AMN1: variants seen among roughly 807,000 people sequenced by gnomAD.
AMN1 encodes antagonist of mitotic exit network 1 homolog.
A neutral mutation model predicts 33.0 loss-of-function variants in AMN1; 20 were observed. The ratio of observed to expected loss-of-function variants is 0.61; its 90% CI spans 0.43 to 0.88. The LOEUF (loss-of-function observed/expected upper bound fraction) is 0.88, where lower values mean the gene tolerates loss of function less well. Among genes scored for constraint, AMN1 ranks in the 40% least tolerant of loss-of-function variants. The pLI is 0.00. For synonymous variants in AMN1, 114 were observed against 111.9 expected, an observed-to-expected ratio of 1.02 and a Z score of -0.12; for missense variants, 246 against 307.4, an observed-to-expected ratio of 0.80 and a Z score of 1.49.
chr12:31,714,768 G>A (rs58033413), intron 1 of AMN1: 2 of 244,594 alleles, frequency 8.2e-6, no homozygotes, highest in Non-Finnish European at 1.3e-5. Context: ...CAACTCTGGA[G>A]CAAGAAACTC....
At chr12:31,676,678 A>C (rs1937722294) in intron 6 of AMN1, among the ~76,000 whole-genome samples, 1 of 151,506 alleles carries the variant, frequency 6.6e-6, no homozygotes, top group Non-Finnish European at 1.5e-5. Context: ...GCATTTTTCC[A>C]AGTTGTGAAT....
rs146897742 is a variant in AMN1 at position 31,708,703 on chromosome 12, G to A, written c.171+590C>T. The A allele has an allele frequency of 6.7e-3, 1,114 of 166,944 alleles. 18 individuals are homozygous for A. The highest frequency in any genetic ancestry group is 0.025 in the African/African-American group (1,058 of 41,652). 10.3% of individuals were successfully genotyped at this position (166,944 alleles called of 1,614,324 possible). ...CCTACCGATATGTGATGTCACCCCC[G>A]GCGGCCCAGCTGTAAAATTCCTCTC... On this transcript the variant is annotated intron_variant, in intron 2 of 6. Coordinates refer to ENST00000281471, the MANE Select transcript of AMN1 (RefSeq NM_001113402.2).
intron 1 of AMN1, among the ~76,000 whole-genome samples, chr12:31,710,061 AT>A (rs1459867691): frequency 2.0e-5 from 3 of 152,332 alleles, no homozygotes; most frequent in East Asian, 3.9e-4. Context: ...GGACCCACTA[AT>A]TGAAAAGTTT....
At chr12:31,726,968 CATTTATTTATCT>C (rs61148744) in intron 1 of AMN1, among the ~76,000 whole-genome samples, 64,797 of 151,736 alleles carry the variant, frequency 0.43, 14,653 homozygotes, top group Middle Eastern at 0.52. Context: ...GCTTTTCTTT[CATTTATTTATCT>C]ATTTATTTAT....
chr12:31,723,384 C>T (rs60607203), intron 1 of AMN1, among the ~76,000 whole-genome samples: 9,552 of 152,134 alleles, frequency 0.063, 652 homozygotes, highest in East Asian at 0.18. Context: ...GATCTCGGCT[C>T]ACTGCAAGCT....
At chr12:31,693,472 C>A (rs1311014284) in intron 5 of AMN1, among the ~76,000 whole-genome samples, 2 of 151,984 alleles carry the variant, frequency 1.3e-5, no homozygotes, top group Non-Finnish European at 2.9e-5. Flanking sequence ...TGTGATCCAC[C>A]TGCCTCGGCC....
chr12:31,696,706 C>T (rs1462094853), intron 5 of AMN1, among the ~76,000 whole-genome samples: 1 of 152,048 alleles, frequency 6.6e-6, no homozygotes, highest in Non-Finnish European at 1.5e-5. Context: ...GCGGTCGGAT[C>T]ACCTGAGGTC....
chr12:31,722,599 G>A (rs1939917983), intron 1 of AMN1, among the ~76,000 whole-genome samples: 1 of 152,130 alleles, frequency 6.6e-6, no homozygotes. Flanking sequence ...GAAAAGGGGA[G>A]GGTTTGCTAG....
At chr12:31,684,331 T>C (rs1290960129) in intron 6 of AMN1, among the ~76,000 whole-genome samples, 1 of 152,162 alleles carries the variant, frequency 6.6e-6, no homozygotes, top group Non-Finnish European at 1.5e-5. Context: ...AAAGTGATGA[T>C]CTGAATGAAA....
chr12:31,698,133 T>C (rs933664213), intron 3 of AMN1, among the ~76,000 whole-genome samples, 176 bp from the exon 4 acceptor site: 11 of 152,210 alleles, frequency 7.2e-5, no homozygotes, highest in African/African-American at 2.7e-4. Flanking sequence ...AGAACTCTTT[T>C]GGAATGTTTC....
intron 5 of AMN1, among the ~76,000 whole-genome samples, chr12:31,696,216 G>A (rs1024502635): frequency 8.6e-5 from 13 of 151,674 alleles, no homozygotes; most frequent in Admixed American, 5.3e-4. Context: ...CAGCCTGGGC[G>A]ACAGAGCAAG....
intron 1 of AMN1, among the ~76,000 whole-genome samples, chr12:31,721,267 G>A (rs1189329659): frequency 2.0e-5 from 3 of 152,166 alleles, no homozygotes; most frequent in African/African-American, 7.2e-5. Flanking sequence ...AAGGACTTCC[G>A]GGTTTGGATG....
chr12:31,681,992 A>G (rs1239192488), intron 6 of AMN1, among the ~76,000 whole-genome samples: 1 of 152,202 alleles, frequency 6.6e-6, no homozygotes, highest in Non-Finnish European at 1.5e-5. Context: ...TAACATTTCA[A>G]TATCTCACTT....
intron 6 of AMN1, among the ~76,000 whole-genome samples, chr12:31,677,174 C>A (rs1368182147): frequency 1.3e-5 from 2 of 152,114 alleles, no homozygotes; most frequent in Non-Finnish European, 2.9e-5. Flanking sequence ...GTGGCGTGCA[C>A]CTGTAGTCCC....
At chr12:31,725,331 T>C (rs1241091047) in intron 1 of AMN1, among the ~76,000 whole-genome samples, 2 of 152,224 alleles carry the variant, frequency 1.3e-5, no homozygotes, top group Non-Finnish European at 2.9e-5. Flanking sequence ...GCACAGGCAG[T>C]CTCATTTCTC....
At chr12:31,691,200 A>G (rs1938486621) in intron 5 of AMN1, among the ~76,000 whole-genome samples, 1 of 152,014 alleles carries the variant, frequency 6.6e-6, no homozygotes, top group Non-Finnish European at 1.5e-5. Flanking sequence ...TCTCACAAAC[A>G]CTATGCTAAG....
chr12:31,684,482 T>G (rs1172349999), intron 6 of AMN1, among the ~76,000 whole-genome samples: 1 of 151,926 alleles, frequency 6.6e-6, no homozygotes, highest in Non-Finnish European at 1.5e-5. Flanking sequence ...ATTTTTTTTT[T>G]TTTTTTGAGA....
intron 5 of AMN1, 49 bp from the exon 6 acceptor site, chr12:31,689,167 A>AT (rs1776700047): frequency 7.9e-7 from 1 of 1,265,954 alleles, no homozygotes; most frequent in South Asian, 1.3e-5. Context: ...AAGATCTATA[A>AT]TAACAGTATG....
intron 1 of AMN1, among the ~76,000 whole-genome samples, chr12:31,724,644 AT>A (rs1939996199): frequency 6.6e-6 from 1 of 152,202 alleles, no homozygotes; most frequent in Non-Finnish European, 1.5e-5. Context: ...TTTCAGGTAT[AT>A]TTCAATATGT....
Sources: allele counts gnomAD v4.1 joint callset (sites outside exome capture counted in the v4.1 genomes callset), GRCh38; gene constraint gnomAD v4.1.1; transcripts MANE v1.5; gene names NCBI Gene and HGNC (gene_info 2026-07-23, HGNC 2026-07-21).